GPALPP1: variants seen among roughly 807,000 people sequenced by gnomAD.
GPALPP1 encodes the protein GPALPP motifs-containing protein 1.
GPALPP1 carries 30 observed loss-of-function variants against 38.9 expected under a neutral mutation model. That is an observed-to-expected ratio of 0.77 (90% CI 0.58 to 1.05). The LOEUF (loss-of-function observed/expected upper bound fraction) is 1.05. GPALPP1 is among the 50% of genes least tolerant of loss of function. The pLI is 0.00. For missense variants in GPALPP1, 384 were observed against 408.8 expected (o/e 0.94, Z 0.52); for synonymous variants, 120 against 139.2 (o/e 0.86, Z 0.97).
chr13:44,992,277 T>C (rs956823734), intron 1 of GPALPP1, among the ~76,000 whole-genome samples: 2 of 152,222 alleles, frequency 1.3e-5, no homozygotes, highest in Non-Finnish European at 2.9e-5. Flanking sequence ...TTTGACCATA[T>C]GAATACATGC....
chr13:44,989,678 G>T lies in GPALPP1; in HGVS notation c.24G>T (p.Pro8=). The change falls in exon 1 of 8, where the codon CCG becomes CCT. Residue 8 remains proline, a synonymous_variant. Transcript: ENST00000379151. ...GGATGGCAAGAGACCTGATCGGACC[G>T]GCCCTGCCGCCCGGCTTCAAGGCCC... The part of the protein sequence containing the change: MARDLIG[P]ALPPGFKARG... 1 of 1,612,650 alleles carries T rather than the reference G, an allele frequency of 6.2e-7. No homozygotes were observed.
At chr13:45,008,574 T>A (rs1220292960) in intron 3 of GPALPP1, among the ~76,000 whole-genome samples, 1 of 152,226 alleles carries the variant, frequency 6.6e-6, no homozygotes, top group Non-Finnish European at 1.5e-5. Context: ...GCTTAGTCTC[T>A]AATTATTGAC....
exon 8 of GPALPP1, chr13:45,037,438 G>T (rs1876424705): frequency 6.6e-6 from 1 of 152,146 alleles, no homozygotes; most frequent in African/African-American, 2.4e-5. Context: ...ATCAGCCTAA[G>T]ATTGCTAATT....
intron 1 of GPALPP1, among the ~76,000 whole-genome samples, chr13:44,991,195 A>T (rs1566069340): frequency 6.6e-6 from 1 of 151,904 alleles, no homozygotes; most frequent in Non-Finnish European, 1.5e-5. Context: ...ACGCCTGTGA[A>T]CCCAGCGCTT....
At chr13:44,996,965 T>C (rs1026270518) in intron 1 of GPALPP1, among the ~76,000 whole-genome samples, 4 of 151,990 alleles carry the variant, frequency 2.6e-5, no homozygotes, top group African/African-American at 4.8e-5. Context: ...AAACAGAAAC[T>C]CTGTACTCAC....
downstream of GPALPP1, chr13:45,034,982 A>G (rs1402475287): frequency 2.7e-3 from 314 of 117,596 alleles, no homozygotes; most frequent in African/African-American, 0.01. Context: ...TTTGAGACGG[A>G]GTCTGGCTCT....
rs1405487552 is a variant in GPALPP1, at chr13:45,029,721, G to C, written c.*1718G>C. 1 of 152,186 alleles carries C rather than the reference G, an allele frequency of 6.6e-6. No individual in the cohort carries two copies. Among genetic ancestry groups the C allele is most frequent in the Non-Finnish European group, 1.5e-5 (1 of 68,032 alleles). The allele number at this position is 152,186 out of a possible 1,614,324, so 9.4% of individuals were successfully genotyped here. On this transcript the variant is annotated 3_prime_UTR_variant, in exon 8 of 8. Coordinates refer to ENST00000379151, the MANE Select transcript of GPALPP1 (RefSeq NM_018559.5). ...GAATACAAATTTACTTGAAAATAGA[G>C]GGTATGGGGTTTTGCCTGTTTTGTA... is the stretch of plus-strand genomic sequence containing the variant.
At position 44,989,576 on chromosome 13, in the gene GPALPP1, GCTGAT is replaced by G; in HGVS notation, c.-77_-73del. On this transcript the variant is annotated 5_prime_UTR_variant, in exon 1 of 8. Transcript: ENST00000379151. ...GCCGGGAAACCTGCCATTCTTCGCT[GCTGAT>G]CGCGGGATTCTTTTTGGATAGGGTT... is the stretch of plus-strand genomic sequence containing the variant. 1.3e-6 allele frequency: 2 copies of G among 1,492,358 alleles called. No homozygotes were observed. The highest frequency in any genetic ancestry group is 1.9e-6 in the Non-Finnish European group (2 of 1,075,852). 92.4% of individuals were successfully genotyped at this position (1,492,358 alleles called of 1,614,324 possible). A position where few individuals can be genotyped will look rare whatever the true frequency, so the allele number is the denominator to read the frequency against.
In GPALPP1 at chr13:45,004,339, CAGT is replaced by C. The variant is rs781746291; in HGVS notation, c.127_129del (p.Ser44del). 99 of 1,610,486 alleles carry C rather than the reference CAGT, an allele frequency of 6.1e-5. No homozygotes were observed. Among genetic ancestry groups the C allele is most frequent in the Non-Finnish European group, 8.2e-5 (96 of 1,177,034 alleles). On this transcript the variant is annotated inframe_deletion, in exon 2 of 8. Transcript: ENST00000379151. ...CAGCTCTGCCCCCTAATTATAAAAG[CAGT>C]AGTTCAGATTCATCAGACAGCGATG...
At chr13:44,998,536 C>T (rs375275921) in intron 1 of GPALPP1, among the ~76,000 whole-genome samples, 46 of 152,312 alleles carry the variant, frequency 3.0e-4, no homozygotes, top group African/African-American at 1.1e-3. Flanking sequence ...ATCCTGAACA[C>T]CTTTCAGTTT....
intron 3 of GPALPP1, among the ~76,000 whole-genome samples, chr13:45,006,938 G>A (rs1002375533): frequency 2.0e-5 from 3 of 151,532 alleles, no homozygotes; most frequent in Admixed American, 6.6e-5. Context: ...ATATAAGATC[G>A]CACATCAAAT....
chr13:45,002,978 A>G (rs759712574), intron 1 of GPALPP1, among the ~76,000 whole-genome samples: 4 of 152,154 alleles, frequency 2.6e-5, no homozygotes, highest in Non-Finnish European at 4.4e-5. Flanking sequence ...TCCTATTTTC[A>G]TAGTAGCATT....
chr13:45,031,899 A>G (rs1252385809), downstream of GPALPP1: 3 of 152,238 alleles, frequency 2.0e-5, no homozygotes, highest in African/African-American at 7.2e-5. Context: ...GCCAAGTGTC[A>G]TAGGAATGTG....
intron 4 of GPALPP1, among the ~76,000 whole-genome samples, chr13:45,014,409 G>GA (rs1190552383): frequency 6.6e-6 from 1 of 152,028 alleles, no homozygotes; most frequent in Non-Finnish European, 1.5e-5. Context: ...TGTATACATG[G>GA]AAAAAATATA....
At chr13:45,021,012 A>T (rs1875390182) in intron 7 of GPALPP1, among the ~76,000 whole-genome samples, 1 of 152,198 alleles carries the variant, frequency 6.6e-6, no homozygotes, top group Admixed American at 6.5e-5. Flanking sequence ...TAAATATTTA[A>T]ATATGGGAGA....
chr13:45,025,773 ATTT>A (rs60384935), intron 7 of GPALPP1, among the ~76,000 whole-genome samples: 19 of 140,090 alleles, frequency 1.4e-4, no homozygotes, highest in South Asian at 9.1e-4. Flanking sequence ...TTGATTATCT[ATTT>A]TTTTTTTTTT....
Position 45,015,413 on chromosome 13 carries a change from T to G in GPALPP1, c.541-19T>G, listed in dbSNP as rs1232017670. The G allele has an allele frequency of 4.4e-6, 6 of 1,363,764 alleles. No homozygotes were observed. The highest frequency in any genetic ancestry group is 6.0e-6 in the Non-Finnish European group (6 of 1,007,228). The allele number at this position is 1,363,764 out of a possible 1,614,324, so 84.5% of individuals were successfully genotyped here. On this transcript the variant is annotated intron_variant, in intron 5 of 7. Coordinates refer to ENST00000379151, the MANE Select transcript of GPALPP1 (RefSeq NM_018559.5). ...CACGATATGTACTTTCTATGCTGTG[T>G]TTTTTTTTTCTCTTAAAGGATTCAT...
chr13:45,025,189 A>G (rs1875750119), intron 7 of GPALPP1, among the ~76,000 whole-genome samples: 1 of 152,238 alleles, frequency 6.6e-6, no homozygotes, highest in African/African-American at 2.4e-5. Flanking sequence ...GTGTTTTTTT[A>G]TACTTCTAAG....
chr13:45,001,207 T>C (rs530356043), intron 1 of GPALPP1, among the ~76,000 whole-genome samples: 1 of 152,300 alleles, frequency 6.6e-6, no homozygotes, highest in South Asian at 2.1e-4. Context: ...CCCCTTTCTC[T>C]CTGCACTTCT....
Sources: gnomAD v4.1 joint callset for allele counts (sites outside exome capture counted in the v4.1 genomes callset) on GRCh38, gnomAD v4.1.1 for gene constraint, MANE v1.5 for transcripts, NCBI Gene and HGNC (gene_info 2026-07-23, HGNC 2026-07-21) for gene names.